The following PLEKHS1 variants were observed in gnomAD, a reference collection of about 807,000 sequenced individuals.
The protein encoded by PLEKHS1 is pleckstrin homology domain containing S1.
In PLEKHS1, 55 loss-of-function variants were observed where a neutral mutation model predicts 51.0. That is an observed-to-expected ratio of 1.08 (90% CI 0.87 to 1.35). The LOEUF (loss-of-function observed/expected upper bound fraction) is 1.35. PLEKHS1 is among the 40% of genes most tolerant of loss of function. The pLI is 0.00. For missense variants in PLEKHS1, 398 were observed against 423.0 expected, an observed-to-expected ratio of 0.94 and a Z score of 0.52; for synonymous variants, 153 against 144.8, an observed-to-expected ratio of 1.06 and a Z score of -0.41.
intron 8 of PLEKHS1, among the ~76,000 whole-genome samples, chr10:113,773,593 G>A (rs931707551): frequency 6.6e-6 from 1 of 152,168 alleles, no homozygotes; most frequent in African/African-American, 2.4e-5. Context: ...GAAGAAGAGA[G>A]CACGAACATG....
At chr10:113,776,453 CTT>C (rs1031768464) in intron 11 of PLEKHS1, among the ~76,000 whole-genome samples, 1 of 152,130 alleles carries the variant, frequency 6.6e-6, no homozygotes, top group Non-Finnish European at 1.5e-5. Flanking sequence ...GAAGAAAACT[CTT>C]TAATGTAAAC....
At chr10:113,766,413 A>G (rs779871328) in exon 3 of PLEKHS1, 1 of 1,557,632 alleles carries the variant, frequency 6.4e-7, no homozygotes, top group South Asian at 1.2e-5. Context: ...TTTATTAGGC[A>G]AACAATTTAC....
At chr10:113,780,607 A>G in exon 12 of PLEKHS1, 1 of 1,612,910 alleles carries the variant, frequency 6.2e-7, no homozygotes, top group Middle Eastern at 1.7e-4. Context: ...TTTAGAAATT[A>G]AAGCTTACCA....
chr10:113,760,086 A>G (rs759160289), intron 2 of PLEKHS1, among the ~76,000 whole-genome samples: 8 of 152,166 alleles, frequency 5.3e-5, no homozygotes, highest in Non-Finnish European at 1.2e-4. Flanking sequence ...GTTAGTTTGT[A>G]TAGAACTTTA....
chr10:113,780,583 CT>C lies in PLEKHS1; in HGVS notation c.*-17del, dbSNP rs773366834. ...AGATAATCTTTAGCCATTTAACTTT[CT>C]TCTTTCTTGTGTTTTAGAAATTAAA... On this transcript the variant is annotated intron_variant, in intron 11 of 11. Coordinates refer to ENST00000361048, the Ensembl canonical transcript of PLEKHS1. 5.0e-6 allele frequency: 8 copies of C among 1,606,096 alleles called. No individual in the cohort carries two copies. The highest frequency in any genetic ancestry group is 6.8e-6 in the Non-Finnish European group (8 of 1,173,424).
At chr10:113,760,061 T>C (rs773868705) in intron 2 of PLEKHS1, among the ~76,000 whole-genome samples, 1 of 152,232 alleles carries the variant, frequency 6.6e-6, no homozygotes, top group African/African-American at 2.4e-5. Flanking sequence ...CCTGATCTGC[T>C]TTCTATCCCT....
intron 11 of PLEKHS1, 118 bp downstream of exon 11, chr10:113,775,984 T>G (rs1163574739): frequency 2.9e-6 from 2 of 682,016 alleles, no homozygotes; most frequent in East Asian, 5.8e-5. Flanking sequence ...CGGGGGAGCT[T>G]GGACTGTTGA....
chr10:113,757,779 A>G (rs1312206104), intron 2 of PLEKHS1, among the ~76,000 whole-genome samples: 1 of 152,216 alleles, frequency 6.6e-6, no homozygotes. Flanking sequence ...ATTGAAATCA[A>G]TCCTCTCAAA....
downstream of PLEKHS1, chr10:113,782,687 T>A (rs1844895979): frequency 6.6e-6 from 1 of 152,594 alleles, no homozygotes; most frequent in Non-Finnish European, 1.5e-5. Context: ...CTGCTCTGTC[T>A]GCCACAAGTG....
chr10:113,781,138 T>C, exon 12 of PLEKHS1: 1 of 242,014 alleles, frequency 4.1e-6, no homozygotes, highest in Non-Finnish European at 8.1e-6. Flanking sequence ...AAATACTCAC[T>C]GCATGAAGGC....
chr10:113,765,246 T>C (rs1185850692), intron 2 of PLEKHS1: 3 of 545,030 alleles, frequency 5.5e-6, no homozygotes, highest in East Asian at 2.8e-5. Flanking sequence ...AAGTCTTTCA[T>C]GATTTTTTAG....
intron 1 of PLEKHS1, 66 bp from the exon 2 acceptor site, chr10:113,755,193 G>T: frequency 6.7e-7 from 1 of 1,499,190 alleles, no homozygotes; most frequent in South Asian, 1.3e-5. Flanking sequence ...ACTGACCAGC[G>T]GTGGCTGGTC....
At chr10:113,775,540 C>T (rs1417726335) in intron 10 of PLEKHS1, among the ~76,000 whole-genome samples, 1 of 152,168 alleles carries the variant, frequency 6.6e-6, no homozygotes, top group Non-Finnish European at 1.5e-5. Context: ...AGTTACATAA[C>T]CAATTTAGTC....
At chr10:113,774,308 T>G in exon 9 of PLEKHS1, 1 of 1,585,868 alleles carries the variant, frequency 6.3e-7, no homozygotes, top group South Asian at 1.2e-5. Flanking sequence ...AAGAATTGAG[T>G]GTCATTATGA....
rs184820676 is a variant in PLEKHS1 at position 113,780,460 on chromosome 10, C to T, written c.*-142C>T. 29 of 772,276 alleles carry T rather than the reference C, an allele frequency of 3.8e-5. No individual in the cohort carries two copies. In the East Asian group the frequency reaches 7.0e-4, roughly 19 times the overall value. The allele number at this position is 772,276 out of a possible 1,614,324, so 47.8% of individuals were successfully genotyped here. On this transcript the variant is annotated intron_variant, in intron 11 of 11. Transcript: ENST00000361048. Reference sequence around the variant, plus strand: ...AACTAGCCAAGTAAGTCATCCCTGTCTATTTCTGGCCCAGATATTACAGTT... The same window carrying T: ...AACTAGCCAAGTAAGTCATCCCTGTTTATTTCTGGCCCAGATATTACAGTT...
chr10:113,766,699 G>C, exon 4 of PLEKHS1: 3 of 1,610,734 alleles, frequency 1.9e-6, no homozygotes, highest in Non-Finnish European at 2.5e-6. Context: ...TCATCACCGA[G>C]GTTCCATTGA....
At chr10:113,767,617 T>A in intron 5 of PLEKHS1, 138 bp downstream of exon 5, 1 of 899,032 alleles carries the variant, frequency 1.1e-6, no homozygotes. Context: ...ATCTTAGTTA[T>A]TTTTAAAAAT....
intron 2 of PLEKHS1, chr10:113,755,537 T>A: frequency 1.4e-6 from 1 of 735,208 alleles, no homozygotes; most frequent in Non-Finnish European, 1.9e-6. Flanking sequence ...CCCGAGGAGC[T>A]GGCACTACAG....
intron 7 of PLEKHS1, 138 bp from the exon 8 acceptor site, chr10:113,771,832 G>A: frequency 1.0e-6 from 1 of 1,002,120 alleles, no homozygotes; most frequent in Non-Finnish European, 1.4e-6. Flanking sequence ...CAAGTTGTGT[G>A]AGCTTCTGGA....
Sources: allele counts gnomAD v4.1 joint callset (sites outside exome capture counted in the v4.1 genomes callset), GRCh38; gene constraint gnomAD v4.1.1; transcripts MANE v1.5; gene names NCBI Gene and HGNC (gene_info 2026-07-23, HGNC 2026-07-21).